Variants in PSMC4 observed in about 807,000 individuals in gnomAD.
PSMC4 encodes proteasome 26S subunit, ATPase 4.
PSMC4 carries 13 observed loss-of-function variants against 48.4 expected under a neutral mutation model. The observed-to-expected ratio is 0.27, with a 90% CI of 0.18 to 0.43. The LOEUF is 0.43. Among genes scored for constraint, PSMC4 ranks in the 20% least tolerant of loss-of-function variants. The pLI, the probability that PSMC4 is intolerant of heterozygous loss-of-function variation, is 1.00. For synonymous variants in PSMC4, 202 were observed against 212.3 expected, an observed-to-expected ratio of 0.95 and a Z score of 0.42; for missense variants, 262 against 555.9, an observed-to-expected ratio of 0.47 and a Z score of 5.32.
chr19:39,977,347 C>A (rs186262894), intron 6 of PSMC4, among the ~76,000 whole-genome samples: 8 of 152,236 alleles, frequency 5.3e-5, no homozygotes, highest in Non-Finnish European at 7.4e-5. Flanking sequence ...AAAGTTTAGA[C>A]CTCCTTCAAA....
chr19:39,973,639 A>G (rs1311788166), intron 3 of PSMC4, among the ~76,000 whole-genome samples: 1 of 150,922 alleles, frequency 6.6e-6, no homozygotes, highest in Non-Finnish European at 1.5e-5. Context: ...AGTCCTTATC[A>G]GAGTATATTG....
rs1971266695 is a variant in PSMC4 at position 39,980,246 on chromosome 19, G to A, written c.919-40G>A. 4 of 1,613,576 alleles carry A rather than the reference G, an allele frequency of 2.5e-6. No homozygotes were observed. The highest frequency in any genetic ancestry group is 1.3e-5 in the African/African-American group (1 of 74,908). ...TGGTTATCGTGACAGGAAGGAGGTA[G>A]GAGTGCAGAGATCTGAGCTGGCCTG... On this transcript the variant is annotated intron_variant, in intron 8 of 10. Transcript: ENST00000157812. This position sits in a 1 kb window ranked among gnomAD's most constrained non-coding sequence, Gnocchi z 4.8.
rs775717764 is a variant in PSMC4, at chr19:39,971,237, A to C, written c.35A>C (p.Gln12Pro). 2 of 1,614,176 alleles carry C rather than the reference A, an allele frequency of 1.2e-6. No individual in the cohort carries two copies. Among genetic ancestry groups the C allele is most frequent in the Non-Finnish European group, 1.7e-6 (2 of 1,180,004 alleles). The part of the protein sequence containing the change: ...EEIGILVEKA[Q>P]DEIPALSVSR... ...ATAGGCATCTTGGTGGAGAAGGCTC[A>C]GGTACAGTGGGGACTTGGGCTTTTT... The change falls in exon 1 of 11, where the codon CAG becomes CCG. Residue 12 changes from glutamine to proline, a missense_variant and splice_region_variant. Transcript: ENST00000157812.
chr19:39,976,872 CAG>C (rs1390133365), intron 6 of PSMC4, among the ~76,000 whole-genome samples: 7 of 104,232 alleles, frequency 6.7e-5, no homozygotes, highest in African/African-American at 2.4e-4. Flanking sequence ...TTTTTTGAGA[CAG>C]AGTCTCACTC....
intron 6 of PSMC4, among the ~76,000 whole-genome samples, chr19:39,976,336 A>T (rs2144615328): frequency 7.8e-6 from 1 of 127,496 alleles, no homozygotes; most frequent in South Asian, 2.8e-4. Flanking sequence ...CGGGAGGCGG[A>T]GCTTGCAGTG....
Position 39,974,703 on chromosome 19 carries a change from C to G in PSMC4, c.580-32C>G, listed in dbSNP as rs1346719651. The G allele has an allele frequency of 6.2e-7, 1 of 1,612,214 alleles. No individual in the cohort carries two copies. On this transcript the variant is annotated intron_variant, in intron 5 of 10. Coordinates refer to ENST00000157812, the MANE Select transcript of PSMC4 (RefSeq NM_006503.4). The surrounding 1 kb of genome is among the most constrained non-coding windows in gnomAD (Gnocchi z 5.5). The stretch of plus-strand genomic sequence containing the variant: ...CTGGGGTTGGAGGTGGAACCCCTGA[C>G]TCCCACTTCTCTTCCTTCCTCTGGG...
chr19:39,972,049 C>A, intron 1 of PSMC4, 97 bp from the exon 2 acceptor site: 4 of 1,142,774 alleles, frequency 3.5e-6, no homozygotes, highest in Non-Finnish European at 5.2e-6. Context: ...TAAGTGACAT[C>A]AGGGTGAAGT....
chr19:39,976,269 ATT>A (rs1409697613), intron 6 of PSMC4, among the ~76,000 whole-genome samples: 3 of 114,972 alleles, frequency 2.6e-5, no homozygotes, highest in Non-Finnish European at 3.9e-5. Context: ...ATATATATAT[ATT>A]AATTAGCTGG....
chr19:39,974,228 G>T lies in PSMC4; in HGVS notation c.323-66G>T. 2.5e-6 allele frequency: 4 copies of T among 1,583,554 alleles called. No homozygotes were observed. The highest frequency in any genetic ancestry group is 2.3e-5 in the South Asian group (2 of 87,894). On this transcript the variant is annotated intron_variant, in intron 3 of 10. Coordinates refer to ENST00000157812, the MANE Select transcript of PSMC4 (RefSeq NM_006503.4). The surrounding 1 kb of genome is among the most constrained non-coding windows in gnomAD (Gnocchi z 5.5). Reference sequence around the variant, plus strand: ...AGATGTTGGGGTGTGGAGATTAGGAGGGAGGAAGGGGGAAGGGGCAGTTTC... The same window carrying T: ...AGATGTTGGGGTGTGGAGATTAGGATGGAGGAAGGGGGAAGGGGCAGTTTC...
At chr19:39,971,356 A>G (rs1172648640) in intron 1 of PSMC4, 118 bp downstream of exon 1, 45 of 1,258,270 alleles carry the variant, frequency 3.6e-5, no homozygotes, top group Non-Finnish European at 5.0e-5. Flanking sequence ...GGGTTATTTT[A>G]GAGGCCTCGG....
chr19:39,981,206 T>C lies in PSMC4; in HGVS notation c.1158T>C (p.Ala386=). The stretch of plus-strand genomic sequence containing the variant: ...TCCTTCAACAGAGTGGAATGTTGGC[T>C]GTCCGTGAAAACCGCTACATTGTCC... ...NSICQESGML[A]VRENRYIVLA... Residue 386 remains alanine, a synonymous_variant, in exon 11 of 11, where the codon GCT becomes GCC. Transcript: ENST00000157812. 6.2e-7 allele frequency: 1 copy of C among 1,613,938 alleles called. No individual in the cohort carries two copies. Among genetic ancestry groups the C allele is most frequent in the Non-Finnish European group, 8.5e-7 (1 of 1,179,874 alleles).
Position 39,974,195 on chromosome 19 carries a change from T to G in PSMC4, c.323-99T>G. The G allele has an allele frequency of 6.7e-7, 1 of 1,481,944 alleles. No homozygotes were observed. Among genetic ancestry groups the G allele is most frequent in the Non-Finnish European group, 9.2e-7 (1 of 1,092,718 alleles). 91.8% of individuals were successfully genotyped at this position (1,481,944 alleles called of 1,614,324 possible). ...GGCCGAGAGGGGACCCCTCAGGGTCTGAACCAGAGATGTTGGGGTGTGGAG... is the reference window on the plus strand; with the variant it reads ...GGCCGAGAGGGGACCCCTCAGGGTCGGAACCAGAGATGTTGGGGTGTGGAG... On this transcript the variant is annotated intron_variant, in intron 3 of 10. Transcript: ENST00000157812. This position sits in a 1 kb window ranked among gnomAD's most constrained non-coding sequence, Gnocchi z 5.5.
chr19:39,978,836 G>A (rs144041437), intron 6 of PSMC4, among the ~76,000 whole-genome samples: 1 of 152,090 alleles, frequency 6.6e-6, no homozygotes, highest in African/African-American at 2.4e-5. Context: ...GAGCAATATA[G>A]CAAGACCCCA....
At chr19:39,979,166 G>C (rs941380633) in intron 6 of PSMC4, among the ~76,000 whole-genome samples, 14 of 152,190 alleles carry the variant, frequency 9.2e-5, no homozygotes, top group African/African-American at 3.4e-4. Context: ...CAGCATGCCT[G>C]TTTTCTTGCT....
chr19:39,975,987 G>A (rs1041752899), intron 6 of PSMC4, among the ~76,000 whole-genome samples: 14 of 152,034 alleles, frequency 9.2e-5, no homozygotes, highest in Non-Finnish European at 1.6e-4. Context: ...GGTGGCTCAC[G>A]CCTGTAATCC....
At position 39,981,355 on chromosome 19, in the gene PSMC4, A is replaced by AC. The variant is rs1450377370; in HGVS notation, c.*55dup. Reference sequence around the variant, plus strand: ...ACTCAGGGGCTGGGGCTTCTCTCGCACCCCCAGCACCTCTGTCCCAAAACC... The same window carrying AC: ...ACTCAGGGGCTGGGGCTTCTCTCGCACCCCCCAGCACCTCTGTCCCAAAACC... On this transcript the variant is annotated 3_prime_UTR_variant, in exon 11 of 11. Coordinates refer to ENST00000157812, the MANE Select transcript of PSMC4 (RefSeq NM_006503.4). 1.4e-5 allele frequency: 18 copies of AC among 1,328,988 alleles called. No homozygotes were observed. Among genetic ancestry groups the AC allele is most frequent in the Non-Finnish European group, 2.0e-5 (18 of 921,678 alleles). The allele number at this position is 1,328,988 out of a possible 1,614,324, so 82.3% of individuals were successfully genotyped here.
At chr19:39,972,039 TA>T in intron 1 of PSMC4, 106 bp from the exon 2 acceptor site, 1 of 1,061,974 alleles carries the variant, frequency 9.4e-7, no homozygotes, top group Non-Finnish European at 1.4e-6. Context: ...TGTTAGGGGC[TA>T]AGTGACATCA....
At chr19:39,975,468 C>CTT (rs111457752) in intron 6 of PSMC4, among the ~76,000 whole-genome samples, 1 of 147,208 alleles carries the variant, frequency 6.8e-6, no homozygotes. Flanking sequence ...CACTCTATAA[C>CTT]TTTTTTTTTT....
chr19:39,980,486 T>C lies in PSMC4; in HGVS notation c.1087+32T>C, dbSNP rs373501281. Reference sequence around the variant, plus strand: ...TGCTCCAGAAGTCAGGGAGGGGCCCTAGTTGGGAACGGGGATTAGATCTTC... The same window carrying C: ...TGCTCCAGAAGTCAGGGAGGGGCCCCAGTTGGGAACGGGGATTAGATCTTC... On this transcript the variant is annotated intron_variant, in intron 9 of 10. Coordinates refer to ENST00000157812, the MANE Select transcript of PSMC4 (RefSeq NM_006503.4). The surrounding 1 kb of genome is among the most constrained non-coding windows in gnomAD (Gnocchi z 4.8). 5.0e-6 allele frequency: 8 copies of C among 1,610,538 alleles called. No individual in the cohort carries two copies. The African/African-American group carries it at 6.7e-5, about 13-fold the overall frequency.
Sources: gnomAD v4.1 joint callset for allele counts (sites outside exome capture counted in the v4.1 genomes callset) on GRCh38, gnomAD v4.1.1 for gene constraint, Gnocchi (gnomAD v3.1) non-coding constraint, MANE v1.5 for transcripts, NCBI Gene and HGNC (gene_info 2026-07-23, HGNC 2026-07-21) for gene names.